Variants in SLC36A1 observed in about 807,000 individuals in gnomAD.
The protein encoded by SLC36A1 is solute carrier family 36 member 1, also known as proton-coupled amino acid transporter 1.
SLC36A1 carries 30 observed loss-of-function variants against 47.5 expected under a neutral mutation model. That is an observed-to-expected ratio of 0.63 (90% CI 0.47 to 0.86). The LOEUF is 0.86. SLC36A1 is among the 40% of genes least tolerant of loss of function. The pLI, the probability that SLC36A1 is intolerant of heterozygous loss-of-function variation, is 0.00. For missense variants in SLC36A1, 517 were observed against 606.0 expected, an observed-to-expected ratio of 0.85 and a Z score of 1.54; for synonymous variants, 255 against 249.7, an observed-to-expected ratio of 1.02 and a Z score of -0.20.
the SLC36A1 span, among the ~76,000 whole-genome samples, chr5:151,385,009 A>AGAGTGT: frequency 2.8e-4 from 36 of 128,520 alleles, no homozygotes; most frequent in African/African-American, 8.0e-4. Context: ...AGAGAGAGAG[A>AGAGTGT]GTGTGTGTGT....
At chr5:151,517,889 G>T in the SLC36A1 span, 1 of 1,213,934 alleles carries the variant, frequency 8.2e-7, no homozygotes, top group Non-Finnish European at 1.2e-6. Flanking sequence ...TATACATGAA[G>T]AAACTAGGCT....
intron 7 of SLC36A1, among the ~76,000 whole-genome samples, chr5:151,471,703 A>G (rs185853135): frequency 6.6e-6 from 1 of 152,288 alleles, no homozygotes; most frequent in East Asian, 1.9e-4. Flanking sequence ...AAACACATTT[A>G]TTTAATTTTT....
the SLC36A1 span, chr5:151,431,323 G>A: frequency 6.6e-6 from 1 of 152,036 alleles, no homozygotes; most frequent in Admixed American, 6.6e-5. Context: ...AGCTCCGGGT[G>A]GAGGAGTTGC....
At chr5:151,542,917 T>G in the SLC36A1 span, 54 of 1,614,110 alleles carry the variant, frequency 3.3e-5, no homozygotes, top group South Asian at 5.8e-4. Flanking sequence ...GAAGACACCA[T>G]CCTTGTTGCT....
the SLC36A1 span, among the ~76,000 whole-genome samples, chr5:151,527,643 A>G: frequency 6.6e-6 from 1 of 152,110 alleles, no homozygotes; most frequent in Non-Finnish European, 1.5e-5. Context: ...CACTTCCTTA[A>G]ATTATTTTGA....
the SLC36A1 span, among the ~76,000 whole-genome samples, chr5:151,516,602 T>G: frequency 6.6e-6 from 1 of 152,182 alleles, no homozygotes; most frequent in Non-Finnish European, 1.5e-5. Context: ...TTATCACATT[T>G]GAACAAATTC....
At chr5:151,363,515 T>G in the SLC36A1 span, among the ~76,000 whole-genome samples, 1 of 151,756 alleles carries the variant, frequency 6.6e-6, no homozygotes, top group Admixed American at 6.6e-5. Flanking sequence ...TTGTTTTTGG[T>G]TTTCTGTAGG....
the SLC36A1 span, among the ~76,000 whole-genome samples, chr5:151,426,714 C>T: frequency 6.6e-6 from 1 of 152,018 alleles, no homozygotes; most frequent in African/African-American, 2.4e-5. Context: ...CAGCACAGAC[C>T]CTTTATGGGT....
chr5:151,406,377 C>T, the SLC36A1 span: 4 of 152,374 alleles, frequency 2.6e-5, no homozygotes, highest in South Asian at 6.2e-4. Flanking sequence ...CTGTCAGGCT[C>T]CAGAGCCAGT....
the SLC36A1 span, among the ~76,000 whole-genome samples, chr5:151,417,153 C>T: frequency 2.4e-4 from 37 of 152,216 alleles, no homozygotes; most frequent in East Asian, 2.1e-3. Flanking sequence ...AAATTGGTAC[C>T]GAGGTAGTGG....
At chr5:151,545,555 C>T in the SLC36A1 span, 9 of 1,614,100 alleles carry the variant, frequency 5.6e-6, no homozygotes, top group Non-Finnish European at 7.6e-6. Flanking sequence ...TGAATGATGA[C>T]TTGGGCAGGT....
intron 7 of SLC36A1, 27 bp downstream of exon 7, chr5:151,467,952 T>C: frequency 4.4e-6 from 7 of 1,595,748 alleles, no homozygotes; most frequent in Non-Finnish European, 3.4e-6. Flanking sequence ...TCTCCTATCA[T>C]CTTGGTTCAA....
chr5:151,397,843 AC>A, the SLC36A1 span, among the ~76,000 whole-genome samples: 1 of 149,410 alleles, frequency 6.7e-6, no homozygotes. Flanking sequence ...GTGGCCGGGC[AC>A]AGTGGTTCAT....
At chr5:151,501,319 T>C in the SLC36A1 span, among the ~76,000 whole-genome samples, 2 of 151,942 alleles carry the variant, frequency 1.3e-5, no homozygotes, top group Non-Finnish European at 2.9e-5. Flanking sequence ...CTGCGTGGTG[T>C]CTCCCACGGG....
chr5:151,535,490 G>A, the SLC36A1 span, among the ~76,000 whole-genome samples: 1 of 152,114 alleles, frequency 6.6e-6, no homozygotes, highest in Non-Finnish European at 1.5e-5. Flanking sequence ...ACACAGGGCG[G>A]TTCCTGGAGG....
intron 7 of SLC36A1, among the ~76,000 whole-genome samples, chr5:151,472,825 G>T (rs142352403): frequency 6.6e-6 from 1 of 152,066 alleles, no homozygotes; most frequent in African/African-American, 2.4e-5. Flanking sequence ...CTAATATTTC[G>T]TAAGTAGTTT....
chr5:151,497,618 G>A, the SLC36A1 span, among the ~76,000 whole-genome samples: 1 of 152,042 alleles, frequency 6.6e-6, no homozygotes, highest in Non-Finnish European at 1.5e-5. Flanking sequence ...CTGGATTTCC[G>A]GCTGCTCTGG....
chr5:151,500,197 C>T, the SLC36A1 span, among the ~76,000 whole-genome samples: 1 of 152,150 alleles, frequency 6.6e-6, no homozygotes, highest in Non-Finnish European at 1.5e-5. Context: ...AAACGTAAGG[C>T]GCACCTCCCG....
the SLC36A1 span, among the ~76,000 whole-genome samples, chr5:151,514,770 C>T: frequency 6.6e-6 from 1 of 152,160 alleles, no homozygotes; most frequent in Admixed American, 6.5e-5. Context: ...GGCACTTTCA[C>T]CATCACATCT....
Sources: allele counts gnomAD v4.1 joint callset (sites outside exome capture counted in the v4.1 genomes callset), GRCh38; gene constraint gnomAD v4.1.1; transcripts MANE v1.5; gene names NCBI Gene and HGNC (gene_info 2026-07-23, HGNC 2026-07-21).